COL4A3: variants seen among roughly 807,000 people sequenced by gnomAD.
COL4A3 encodes the protein collagen type IV alpha 3 chain.
Under a neutral mutation model 217.4 loss-of-function variants are expected in COL4A3, and 135 were observed. The ratio of observed to expected loss-of-function variants is 0.62; its 90% CI spans 0.54 to 0.72. COL4A3 has a LOEUF of 0.72. COL4A3 is among the 30% of genes least tolerant of loss of function. The pLI, the probability that COL4A3 is intolerant of heterozygous loss-of-function variation, is 0.00. For synonymous variants in COL4A3, 690 were observed against 736.3 expected (o/e 0.94, Z 1.02); for missense variants, 1,868 against 2,119.9 (o/e 0.88, Z 2.33).
chr2:227,274,087 A>C lies in COL4A3; in HGVS notation c.1927+970A>C, dbSNP rs143080285. ...CCCCATCTCTACTAAAAATACAAAAATTAGCTGAGCATGGTGGCACATACC... is the reference window on the plus strand; with the variant it reads ...CCCCATCTCTACTAAAAATACAAAACTTAGCTGAGCATGGTGGCACATACC... On this transcript the variant is annotated intron_variant, in intron 26 of 51. Coordinates refer to ENST00000396578, the MANE Select transcript of COL4A3 (RefSeq NM_000091.5). Among the ~76,000 whole-genome samples, 972 of 152,154 alleles carry C rather than the reference A, an allele frequency of 6.4e-3. 13 individuals are homozygous for C. The highest frequency in any genetic ancestry group is 0.022 in the African/African-American group (926 of 41,478).
chr2:227,237,675 T>A, intron 1 of COL4A3: 2 of 322,332 alleles, frequency 6.2e-6, no homozygotes, highest in South Asian at 5.7e-5. Flanking sequence ...CAAAGGTAAT[T>A]AAAAGTAATG....
intron 1 of COL4A3, among the ~76,000 whole-genome samples, chr2:227,174,086 G>A (rs1463605897): frequency 2.0e-5 from 3 of 152,182 alleles, no homozygotes; most frequent in Non-Finnish European, 4.4e-5. Context: ...GCTGAGTTGT[G>A]CATAAATATC....
At chr2:227,281,233 G>A (rs1035765224) in intron 31 of COL4A3, among the ~76,000 whole-genome samples, 2 of 152,152 alleles carry the variant, frequency 1.3e-5, no homozygotes, top group African/African-American at 2.4e-5. Flanking sequence ...GTTGCTTTGT[G>A]TCTTTTATGC....
At chr2:227,281,931 T>C in intron 31 of COL4A3, 1 of 152,672 alleles carries the variant, frequency 6.5e-6, no homozygotes, top group South Asian at 2.1e-4. Flanking sequence ...CATGCGTAAG[T>C]GTGCAGTTAC....
rs1033114456 is a variant in COL4A3 at position 227,283,665 on chromosome 2, C to T, written c.2657-102C>T. The T allele has an allele frequency of 8.8e-6, 9 of 1,027,470 alleles. No individual in the cohort carries two copies. The African/African-American group carries it at 1.4e-4, about 16-fold the overall frequency. The allele number at this position is 1,027,470 out of a possible 1,614,324, so 63.6% of individuals were successfully genotyped here. On this transcript the variant is annotated intron_variant, in intron 32 of 51. Coordinates refer to ENST00000396578, the MANE Select transcript of COL4A3 (RefSeq NM_000091.5). Reference sequence around the variant, plus strand: ...ATGTACAGAGGCCATTTTTTCAACTCCCAATCTCTGCTTCTAAGTATAATT... The same window carrying T: ...ATGTACAGAGGCCATTTTTTCAACTTCCAATCTCTGCTTCTAAGTATAATT...
chr2:227,283,572 C>T (rs561379898), intron 32 of COL4A3, among the ~76,000 whole-genome samples, 195 bp from the exon 33 acceptor site: 2 of 152,360 alleles, frequency 1.3e-5, no homozygotes, highest in Admixed American at 1.3e-4. Flanking sequence ...CTACCAATCA[C>T]TTCCACATAG....
intron 1 of COL4A3, among the ~76,000 whole-genome samples, chr2:227,222,742 G>C (rs137942848): frequency 3.5e-4 from 54 of 152,226 alleles, no homozygotes; most frequent in African/African-American, 1.3e-3. Flanking sequence ...GTGAGAAGTG[G>C]GCATGTCAGG....
chr2:227,229,106 T>G (rs967164340), intron 1 of COL4A3, among the ~76,000 whole-genome samples: 1 of 152,210 alleles, frequency 6.6e-6, no homozygotes, highest in Non-Finnish European at 1.5e-5. Flanking sequence ...CCCTTCACCC[T>G]GTACCACTTT....
At chr2:227,211,166 A>AT (rs2067307014) in intron 1 of COL4A3, among the ~76,000 whole-genome samples, 1 of 151,936 alleles carries the variant, frequency 6.6e-6, no homozygotes, top group African/African-American at 2.4e-5. Context: ...ACACACTTCT[A>AT]TTTTTTGTAT....
At position 227,190,359 on chromosome 2, in the gene COL4A3, T is replaced by C. The variant is rs577045811; in HGVS notation, c.87+25546T>C. On this transcript the variant is annotated intron_variant, in intron 1 of 51. Coordinates refer to ENST00000396578, the MANE Select transcript of COL4A3 (RefSeq NM_000091.5). Reference sequence around the variant, plus strand: ...CTTGAATTCCATTTCTTGCAGATCCTGACTCCCTTTTAAAATATGGACATG... The same window carrying C: ...CTTGAATTCCATTTCTTGCAGATCCCGACTCCCTTTTAAAATATGGACATG... 3.9e-5 allele frequency among the ~76,000 whole-genome samples: 6 copies of C among 152,344 alleles called. 1 individual carries two copies. In the South Asian group the frequency reaches 1.0e-3, roughly 26 times the overall value.
rs1416758069 is a variant in COL4A3 at position 227,309,294 on chromosome 2, C to T, written c.4731C>T (p.Leu1577=). ...CATGTCCTCACGGCTGGATTTCTCT[C>T]TGGAAAGGATTTTCATTCATCATGG... ...IPPCPHGWIS[L]WKGFSFIMFT... is the part of the protein sequence containing the mutation. The change falls in exon 50 of 52, where the codon CTC becomes CTT. Residue 1577 remains leucine, a synonymous_variant. Transcript: ENST00000396578. 6.2e-7 allele frequency: 1 copy of T among 1,614,048 alleles called. No homozygotes were observed. Among genetic ancestry groups the T allele is most frequent in the African/African-American group, 1.3e-5 (1 of 75,052 alleles).
At chr2:227,217,891 C>T (rs2067585115) in intron 1 of COL4A3, among the ~76,000 whole-genome samples, 1 of 151,524 alleles carries the variant, frequency 6.6e-6, no homozygotes, top group Admixed American at 6.6e-5. Flanking sequence ...ACTGGTTTTG[C>T]TTGTTCTGTT....
At chr2:227,295,125 T>G in intron 40 of COL4A3, 63 bp downstream of exon 40, 1 of 1,530,770 alleles carries the variant, frequency 6.5e-7, no homozygotes, top group Non-Finnish European at 9.1e-7. Context: ...TTAGTAACAG[T>G]GTAATCCTTT....
chr2:227,282,663 T>C lies in COL4A3; in HGVS notation c.2656+131T>C. The C allele has an allele frequency of 1.1e-6, 1 of 890,336 alleles. No individual in the cohort carries two copies. The highest frequency in any genetic ancestry group is 1.8e-6 in the Non-Finnish European group (1 of 570,998). 55.2% of individuals were successfully genotyped at this position (890,336 alleles called of 1,614,324 possible). A position where few individuals can be genotyped will look rare whatever the true frequency, so the allele number is the denominator to read the frequency against. Reference sequence around the variant, plus strand: ...ATATAAGGTTTTCCTTCTAAATTATTTGTAAGAAACCAGGGGCCATGGTGC... The same window carrying C: ...ATATAAGGTTTTCCTTCTAAATTATCTGTAAGAAACCAGGGGCCATGGTGC... On this transcript the variant is annotated intron_variant, in intron 32 of 51. Transcript: ENST00000396578. The surrounding 1 kb of genome is among the most constrained non-coding windows in gnomAD (Gnocchi z 4.4).
chr2:227,224,493 G>A lies in COL4A3; in HGVS notation c.88-13475G>A, dbSNP rs557059839. ...CTGCTGGGCATGATAGCTCATGCCCGTAATCCCAGTACTTTGGGAGGCCAA... is the reference window on the plus strand; with the variant it reads ...CTGCTGGGCATGATAGCTCATGCCCATAATCCCAGTACTTTGGGAGGCCAA... On this transcript the variant is annotated intron_variant, in intron 1 of 51. Transcript: ENST00000396578. Among the ~76,000 whole-genome samples, 26 of 152,278 alleles carry A rather than the reference G, an allele frequency of 1.7e-4. No individual in the cohort carries two copies. In the South Asian group the frequency reaches 3.5e-3, roughly 21 times the overall value.
rs76668804 is a variant in COL4A3, at chr2:227,270,389, C to T, written c.1576-381C>T. 8.4e-3 allele frequency among the ~76,000 whole-genome samples: 1,271 copies of T among 152,048 alleles called. 17 individuals carry two copies. The highest frequency in any genetic ancestry group is 0.029 in the African/African-American group (1,185 of 41,458). ...TATGTAAATTATACCTCAATAAGTC[C>T]GTTAAAAATTAGAATCTTGACTGTC... On this transcript the variant is annotated intron_variant, in intron 24 of 51. Coordinates refer to ENST00000396578, the MANE Select transcript of COL4A3 (RefSeq NM_000091.5).
At chr2:227,225,665 A>G (rs2068046867) in intron 1 of COL4A3, among the ~76,000 whole-genome samples, 1 of 148,846 alleles carries the variant, frequency 6.7e-6, no homozygotes. Flanking sequence ...GTAAAATGGG[A>G]GCTTTTTATC....
chr2:227,309,321 G>A lies in COL4A3; in HGVS notation c.4755+3G>A, dbSNP rs1213529392. ...GGAAAGGATTTTCATTCATCATGGT[G>A]AGGAGAAAAGGAACAGGAGGTTTAG... On this transcript the variant is annotated splice_donor_region_variant and intron_variant, in intron 50 of 51. Coordinates refer to ENST00000396578, the MANE Select transcript of COL4A3 (RefSeq NM_000091.5). 1 of 1,607,648 alleles carries A rather than the reference G, an allele frequency of 6.2e-7. No individual in the cohort carries two copies. The highest frequency in any genetic ancestry group is 1.7e-5 in the Admixed American group (1 of 59,876).
At chr2:227,271,034 G>A (rs1463973986) in intron 25 of COL4A3, 82 bp downstream of exon 25, 1 of 1,387,920 alleles carries the variant, frequency 7.2e-7, no homozygotes, top group Non-Finnish European at 1.0e-6. Flanking sequence ...TCCAAAAATG[G>A]TTGGCCGCTC....
Sources: allele counts gnomAD v4.1 joint callset (sites outside exome capture counted in the v4.1 genomes callset), GRCh38; gene constraint gnomAD v4.1.1; non-coding constraint Gnocchi (gnomAD v3.1); transcripts MANE v1.5; gene names NCBI Gene and HGNC (gene_info 2026-07-23, HGNC 2026-07-21).